GPC6: variants seen among roughly 807,000 people sequenced by gnomAD.
GPC6 encodes glypican-6.
In GPC6, 14 loss-of-function variants were observed where a neutral mutation model predicts 55.2. That is an observed-to-expected ratio of 0.25 (90% CI 0.17 to 0.40). GPC6 has a LOEUF of 0.40. Ranked by LOEUF, GPC6 falls within the 10% of genes least tolerant of loss-of-function variation. GPC6 has a pLI of 1.00. For synonymous variants in GPC6, 278 were observed against 259.6 expected (o/e 1.07, Z -0.68); for missense variants, 641 against 708.5 (o/e 0.90, Z 1.08).
intron 4 of GPC6, among the ~76,000 whole-genome samples, chr13:94,137,274 G>T (rs764478635): frequency 3.9e-5 from 6 of 152,172 alleles, no homozygotes; most frequent in Non-Finnish European, 8.8e-5. Context: ...CAGTAGAGGG[G>T]TGATCATTAA....
intron 2 of GPC6, among the ~76,000 whole-genome samples, chr13:93,615,403 T>C (rs896401275): frequency 7.9e-5 from 12 of 152,290 alleles, no homozygotes; most frequent in Non-Finnish European, 1.6e-4. Context: ...AGAGGATTCA[T>C]GCCATGATTT....
At chr13:94,255,859 T>C (rs1366517143) in intron 4 of GPC6, among the ~76,000 whole-genome samples, 1 of 152,076 alleles carries the variant, frequency 6.6e-6, no homozygotes, top group Non-Finnish European at 1.5e-5. Flanking sequence ...GGCCATTTGG[T>C]CAAAGAAGGG....
chr13:93,242,294 T>C (rs1285260510), intron 1 of GPC6, among the ~76,000 whole-genome samples: 6 of 152,132 alleles, frequency 3.9e-5, no homozygotes, highest in Non-Finnish European at 8.8e-5. Context: ...ACCTCAGCTC[T>C]ACTACAAGCC....
chr13:93,417,921 T>G (rs2139254213), intron 1 of GPC6, among the ~76,000 whole-genome samples: 1 of 152,180 alleles, frequency 6.6e-6, no homozygotes, highest in Admixed American at 6.6e-5. Context: ...GGACCATTCA[T>G]TTCATTTGTC....
At chr13:93,857,192 A>G (rs769085968) in intron 3 of GPC6, among the ~76,000 whole-genome samples, 1 of 151,620 alleles carries the variant, frequency 6.6e-6, no homozygotes. Context: ...ATAAATTGCA[A>G]ACACATCAGG....
intron 2 of GPC6, among the ~76,000 whole-genome samples, chr13:93,574,739 A>C (rs1306920754): frequency 6.6e-6 from 1 of 152,024 alleles, no homozygotes; most frequent in East Asian, 1.9e-4. Flanking sequence ...ATTATACTCC[A>C]CTGCTATCCC....
At chr13:94,386,194 C>A (rs1189410446) in intron 7 of GPC6, among the ~76,000 whole-genome samples, 1 of 151,874 alleles carries the variant, frequency 6.6e-6, no homozygotes, top group African/African-American at 2.4e-5. Flanking sequence ...CCCGTCTCTA[C>A]TAAAAAATAC....
At chr13:93,958,615 A>G (rs1318576535) in intron 3 of GPC6, among the ~76,000 whole-genome samples, 1 of 152,070 alleles carries the variant, frequency 6.6e-6, no homozygotes, top group African/African-American at 2.4e-5. Context: ...GTATAGTTCA[A>G]AGTTGAATAG....
chr13:94,071,489 C>T (rs1040346985), intron 4 of GPC6, among the ~76,000 whole-genome samples: 7 of 152,044 alleles, frequency 4.6e-5, no homozygotes, highest in African/African-American at 1.7e-4. Flanking sequence ...TTGAAGTTTG[C>T]CTGGCTTAAA....
At chr13:93,345,631 T>C (rs1880401439) in intron 1 of GPC6, among the ~76,000 whole-genome samples, 1 of 152,202 alleles carries the variant, frequency 6.6e-6, no homozygotes, top group Admixed American at 6.5e-5. Context: ...TCATTGGAGT[T>C]TCATACACCC....
chr13:93,327,887 G>A (rs1319728479), intron 1 of GPC6, among the ~76,000 whole-genome samples: 2 of 152,034 alleles, frequency 1.3e-5, no homozygotes, highest in Non-Finnish European at 2.9e-5. Context: ...GTGGCAAAAT[G>A]AATGGTCAAT....
At position 94,405,290 on chromosome 13, in the gene GPC6, T is replaced by A. The variant is rs1881325533; in HGVS notation, c.*2073T>A. 1 of 152,164 alleles carries A rather than the reference T, an allele frequency of 6.6e-6. No homozygotes were observed. 9.4% of individuals were successfully genotyped at this position (152,164 alleles called of 1,614,324 possible). A position where few individuals can be genotyped will look rare whatever the true frequency, so the allele number is the denominator to read the frequency against. ...ATCATTACATACTCCTAGAAAACCA[T>A]CCATTTCACTGCCCACATTTTGGCT... On this transcript the variant is annotated 3_prime_UTR_variant, in exon 9 of 9. Coordinates refer to ENST00000377047, the MANE Select transcript of GPC6 (RefSeq NM_005708.5).
chr13:94,015,570 A>G (rs2138704721), intron 3 of GPC6, among the ~76,000 whole-genome samples: 1 of 152,234 alleles, frequency 6.6e-6, no homozygotes, highest in Middle Eastern at 3.4e-3. Flanking sequence ...TGTCATACTA[A>G]GAATTCATTC....
chr13:93,254,607 A>G (rs73635734), intron 1 of GPC6, among the ~76,000 whole-genome samples: 4,244 of 152,168 alleles, frequency 0.028, 199 homozygotes, highest in African/African-American at 0.097. Flanking sequence ...TTATTTTTTA[A>G]TTTTTATGTT....
chr13:93,220,209 A>G, the GPC6 span, among the ~76,000 whole-genome samples: 3 of 152,222 alleles, frequency 2.0e-5, no homozygotes, highest in Non-Finnish European at 4.4e-5. Flanking sequence ...AGTTAGCATC[A>G]TGTGAAGAGC....
chr13:93,446,199 T>C (rs1285013262), intron 1 of GPC6, among the ~76,000 whole-genome samples: 4 of 152,176 alleles, frequency 2.6e-5, no homozygotes, highest in Non-Finnish European at 5.9e-5. Flanking sequence ...AGGGATGTTG[T>C]AGCTAGTTTG....
intron 2 of GPC6, among the ~76,000 whole-genome samples, chr13:93,756,328 T>C (rs1884768992): frequency 6.6e-6 from 1 of 152,130 alleles, no homozygotes; most frequent in African/African-American, 2.4e-5. Flanking sequence ...CCCCCACCCA[T>C]TTTCTTACAC....
intron 1 of GPC6, among the ~76,000 whole-genome samples, chr13:93,532,269 T>C (rs1331292023): frequency 6.6e-6 from 1 of 152,176 alleles, no homozygotes; most frequent in Non-Finnish European, 1.5e-5. Flanking sequence ...GATCTTTCTA[T>C]TCATTATCTT....
At chr13:94,058,262 C>T (rs991501316) in intron 4 of GPC6, among the ~76,000 whole-genome samples, 4 of 152,118 alleles carry the variant, frequency 2.6e-5, no homozygotes, top group African/African-American at 7.2e-5. Flanking sequence ...ATTTACGGTA[C>T]GGAAATCAAG....
Sources: gnomAD v4.1 joint callset for allele counts (sites outside exome capture counted in the v4.1 genomes callset) on GRCh38, gnomAD v4.1.1 for gene constraint, MANE v1.5 for transcripts, NCBI Gene and HGNC (gene_info 2026-07-23, HGNC 2026-07-21) for gene names.